The following IQSEC3 variants were observed in gnomAD, a reference collection of about 807,000 sequenced individuals.
IQSEC3 encodes IQ motif and SEC7 domain-containing protein 3.
Under a neutral mutation model 105.4 loss-of-function variants are expected in IQSEC3, and 50 were observed. The ratio of observed to expected loss-of-function variants is 0.47; its 90% CI spans 0.38 to 0.60. IQSEC3 has a LOEUF of 0.60. Ranked by LOEUF, IQSEC3 falls within the 20% of genes least tolerant of loss-of-function variation. The probability of loss-of-function intolerance (pLI) is 0.00; values close to 1 mark genes in which losing one functional copy is unlikely to be tolerated. For missense variants in IQSEC3, 1,415 were observed against 1,630.0 expected, an observed-to-expected ratio of 0.87 and a Z score of 2.27; for synonymous variants, 708 against 746.0, an observed-to-expected ratio of 0.95 and a Z score of 0.83.
At chr12:166,671 C>G (rs1182459949) in intron 11 of IQSEC3, among the ~76,000 whole-genome samples, 1 of 152,204 alleles carries the variant, frequency 6.6e-6, no homozygotes, top group Admixed American at 6.5e-5. Context: ...AGGCTTCAGG[C>G]CTGCCTCTAT....
intron 5 of IQSEC3, among the ~76,000 whole-genome samples, chr12:154,613 G>T (rs1365683731): frequency 2.6e-5 from 4 of 152,114 alleles, no homozygotes; most frequent in African/African-American, 9.7e-5. Flanking sequence ...AAGAGTCAGC[G>T]CCCCTGGGCT....
In IQSEC3 at chr12:139,350, A is replaced by G; in HGVS notation, c.1987A>G (p.Asn663Asp). The G allele has an allele frequency of 6.4e-7, 1 of 1,558,508 alleles. No individual in the cohort carries two copies. The highest frequency in any genetic ancestry group is 8.7e-7 in the Non-Finnish European group (1 of 1,150,338). The change falls in exon 4 of 14, where the codon AAC becomes GAC. Residue 663 changes from asparagine to aspartate, a missense_variant. This residue lies in a region of IQSEC3 where 213 missense variants were observed against 306.2 expected (regional missense o/e 0.70). Coordinates refer to ENST00000538872, the MANE Select transcript of IQSEC3 (RefSeq NM_001170738.2). Reference sequence around the variant, plus strand: ...CTACCGCATCGGCCTCAACCTCTTCAACATGTAAGTCAGCCCCGGCCCCCA... The same window carrying G: ...CTACCGCATCGGCCTCAACCTCTTCGACATGTAAGTCAGCCCCGGCCCCCA... ...RLYRIGLNLFNINPDKGIQFL... is the reference protein window; with the variant it reads ...RLYRIGLNLFDINPDKGIQFL...
chr12:83,392 G>A (rs908491998), intron 1 of IQSEC3, among the ~76,000 whole-genome samples: 1 of 152,042 alleles, frequency 6.6e-6, no homozygotes, highest in East Asian at 1.9e-4. Flanking sequence ...ACGTATAACA[G>A]AAATTCCCAA....
chr12:169,182 C>A, intron 12 of IQSEC3, 77 bp downstream of exon 12: 2 of 1,191,778 alleles, frequency 1.7e-6, no homozygotes, highest in Non-Finnish European at 2.5e-6. Flanking sequence ...CCTGGGCAAT[C>A]TGCAGGGAGA....
Position 154,963 on chromosome 12 carries a change from G to A in IQSEC3, c.2154-2062G>A, listed in dbSNP as rs542462827. 2.6e-5 allele frequency among the ~76,000 whole-genome samples: 4 copies of A among 152,008 alleles called. No individual in the cohort carries two copies. The South Asian group carries it at 6.3e-4, about 24-fold the overall frequency. On this transcript the variant is annotated intron_variant, in intron 5 of 13. Coordinates refer to ENST00000538872, the MANE Select transcript of IQSEC3 (RefSeq NM_001170738.2). Reference sequence around the variant, plus strand: ...CCACACGCTCTGACCCCCTTGCTGCGTGACCATGCTGGTTCACCTCCTCCA... The same window carrying A: ...CCACACGCTCTGACCCCCTTGCTGCATGACCATGCTGGTTCACCTCCTCCA...
At chr12:110,102 C>T (rs1030483750) in intron 2 of IQSEC3, among the ~76,000 whole-genome samples, 1 of 152,252 alleles carries the variant, frequency 6.6e-6, no homozygotes, top group Admixed American at 6.5e-5. Context: ...CTCTTTCTCT[C>T]TCTGGCCCTC....
Position 174,624 on chromosome 12 carries a change from C to T in IQSEC3, c.3140C>T (p.Thr1047Met), listed in dbSNP as rs769019293. 6 of 1,555,680 alleles carry T rather than the reference C, an allele frequency of 3.9e-6. No homozygotes were observed. Among genetic ancestry groups the T allele is most frequent in the East Asian group, 4.5e-5 (2 of 44,468 alleles). The part of the protein sequence containing the change: ...VEVSIHNRLQ[T>M]SQHNSGLGAE... Reference sequence around the variant, plus strand: ...GTGTCAATTCACAACAGGCTTCAAACGTCCCAGCACAACTCCGGGCTGGGG... The same window carrying T: ...GTGTCAATTCACAACAGGCTTCAAATGTCCCAGCACAACTCCGGGCTGGGG... The change falls in exon 14 of 14, where the codon ACG (threonine) becomes ATG (methionine). Residue 1047 changes from threonine (T) to methionine (M), a missense_variant. Coordinates refer to ENST00000538872, the MANE Select transcript of IQSEC3 (RefSeq NM_001170738.2).
rs925681502 is a variant in IQSEC3, at chr12:169,166, G to A, written c.3064+61G>A. ...TGGAGGCCACTCGGGGACCCTGGGT[G>A]TGGGTCCTGGGCAATCTGCAGGGAG... On this transcript the variant is annotated intron_variant, in intron 12 of 13. Transcript: ENST00000538872. 31 of 1,398,568 alleles carry A rather than the reference G, an allele frequency of 2.2e-5. No individual in the cohort carries two copies. The African/African-American group carries it at 4.0e-4, about 18-fold the overall frequency. 86.6% of individuals were successfully genotyped at this position (1,398,568 alleles called of 1,614,324 possible). A position where few individuals can be genotyped will look rare whatever the true frequency, so the allele number is the denominator to read the frequency against.
intron 5 of IQSEC3, among the ~76,000 whole-genome samples, chr12:150,266 C>T (rs1866454139): frequency 6.6e-6 from 1 of 152,168 alleles, no homozygotes; most frequent in African/African-American, 2.4e-5. Flanking sequence ...GGTACTCCAT[C>T]TACCAAATAA....
At chr12:131,380 C>G (rs1555085076) in intron 3 of IQSEC3, among the ~76,000 whole-genome samples, 1 of 152,166 alleles carries the variant, frequency 6.6e-6, no homozygotes, top group East Asian at 1.9e-4. Flanking sequence ...CCGCACCTCT[C>G]TCTGCTCTCT....
intron 1 of IQSEC3, among the ~76,000 whole-genome samples, chr12:76,129 C>T (rs1344286435): frequency 1.4e-5 from 2 of 146,698 alleles, no homozygotes; most frequent in Non-Finnish European, 3.0e-5. Flanking sequence ...CACACACACA[C>T]ACAAGGCCTC....
chr12:122,763 C>A (rs1350530072), intron 2 of IQSEC3, among the ~76,000 whole-genome samples: 2 of 152,198 alleles, frequency 1.3e-5, no homozygotes, highest in Non-Finnish European at 2.9e-5. Context: ...GTGCTGCCAT[C>A]AAGGGACGTC....
intron 1 of IQSEC3, among the ~76,000 whole-genome samples, chr12:90,563 C>T (rs1555073122): frequency 6.6e-6 from 1 of 151,146 alleles, no homozygotes; most frequent in South Asian, 2.1e-4. Context: ...GTTGTTTCAG[C>T]ACTATCTGTT....
chr12:104,771 G>A (rs1169791257), intron 2 of IQSEC3, among the ~76,000 whole-genome samples: 1 of 152,278 alleles, frequency 6.6e-6, no homozygotes, highest in African/African-American at 2.4e-5. Context: ...TCCGAGAACG[G>A]CTGCGGGGAT....
chr12:125,817 C>T lies in IQSEC3; in HGVS notation c.808C>T (p.Pro270Ser), dbSNP rs781875732. 1.6e-5 allele frequency: 24 copies of T among 1,528,448 alleles called. No homozygotes were observed. The highest frequency in any genetic ancestry group is 2.0e-5 in the Non-Finnish European group (23 of 1,144,082). The allele number at this position is 1,528,448 out of a possible 1,614,324, so 94.7% of individuals were successfully genotyped here. A position where few individuals can be genotyped will look rare whatever the true frequency, so the allele number is the denominator to read the frequency against. Residue 270 changes from proline (P) to serine (S), a missense_variant, in exon 3 of 14, where the codon CCC becomes TCC. Coordinates refer to ENST00000538872, the MANE Select transcript of IQSEC3 (RefSeq NM_001170738.2). Reference protein sequence around the residue: ...PRAGPQHKASPGRQQPALATA... With the variant: ...PRAGPQHKASSGRQQPALATA... ...GGCTGGCCCCCAGCACAAGGCCTCC[C>T]CCGGCCGGCAGCAGCCTGCCCTGGC...
intron 1 of IQSEC3, among the ~76,000 whole-genome samples, chr12:79,874 A>C (rs569030366): frequency 6.6e-6 from 1 of 152,232 alleles, no homozygotes; most frequent in South Asian, 2.1e-4. Context: ...CTATATGTAC[A>C]TTTAAGCAAA....
chr12:173,015 A>C (rs1250235052), intron 13 of IQSEC3, among the ~76,000 whole-genome samples: 1 of 152,166 alleles, frequency 6.6e-6, no homozygotes, highest in Non-Finnish European at 1.5e-5. Context: ...GGCCGCTGCG[A>C]AGTCCAGGCG....
chr12:99,326 G>A, intron 2 of IQSEC3, 112 bp downstream of exon 2: 1 of 994,704 alleles, frequency 1.0e-6, no homozygotes, highest in Non-Finnish European at 1.5e-6. Context: ...TCTCATGTGG[G>A]GTAATTTGTT....
chr12:93,499 G>A (rs1489113127), intron 1 of IQSEC3, among the ~76,000 whole-genome samples: 1 of 152,214 alleles, frequency 6.6e-6, no homozygotes, highest in African/African-American at 2.4e-5. Context: ...TGGGAAGAGA[G>A]CAAGGCAGAG....
Sources: allele counts gnomAD v4.1 joint callset (sites outside exome capture counted in the v4.1 genomes callset), GRCh38; gene constraint gnomAD v4.1.1; regional missense constraint gnomAD v4.1.1; transcripts MANE v1.5; gene names NCBI Gene and HGNC (gene_info 2026-07-23, HGNC 2026-07-21).